Variants in FAM161B observed in about 807,000 individuals in gnomAD.
FAM161B encodes the protein FAM161 centrosomal protein B, also known as protein FAM161B.
In FAM161B, 46 loss-of-function variants were observed where a neutral mutation model predicts 61.5. The ratio of observed to expected loss-of-function variants is 0.75; its 90% confidence interval spans 0.59 to 0.96. The LOEUF (loss-of-function observed/expected upper bound fraction) is 0.96, where lower values mean the gene tolerates loss of function less well. Among genes scored for constraint, FAM161B ranks in the 40% least tolerant of loss-of-function variants. The pLI, the probability that FAM161B is intolerant of heterozygous loss-of-function variation, is 0.00. For missense variants in FAM161B, 774 were observed against 800.7 expected, an observed-to-expected ratio of 0.97 and a Z score of 0.40; for synonymous variants, 284 against 302.7, an observed-to-expected ratio of 0.94 and a Z score of 0.64.
chr14:73,940,857 T>G, intron 5 of FAM161B, 69 bp downstream of exon 5: 1 of 1,541,376 alleles, frequency 6.5e-7, no homozygotes, highest in Non-Finnish European at 8.7e-7. Context: ...AGGAGGCCCC[T>G]TGGCAGGGAG....
chr14:73,946,331 T>C lies in FAM161B; in HGVS notation c.329A>G (p.Asp110Gly). The stretch of plus-strand genomic sequence containing the variant: ...GACCTGCACCATCCCCCTGTCCTTG[T>C]CTTGGAAGAAACTCTCCAGGTCCTC... The part of the protein sequence containing the change: ...DEEDLESFFQ[D>G]KDRGMVQVQC... The change falls in exon 2 of 9, where the codon GAC becomes GGC. Residue 110 changes from aspartate (D) to glycine (G), a missense_variant. By Grantham distance (94) the Asp-to-Gly change is moderately conservative. Transcript: ENST00000286544. 2 of 1,614,176 alleles carry C rather than the reference T, an allele frequency of 1.2e-6. No homozygotes were observed. Among genetic ancestry groups the C allele is most frequent in the South Asian group, 2.2e-5 (2 of 91,076 alleles).
At chr14:73,941,520 G>A (rs740507) in intron 4 of FAM161B, among the ~76,000 whole-genome samples, 46,396 of 152,024 alleles carry the variant, frequency 0.31, 9,026 homozygotes, top group Non-Finnish European at 0.42. Flanking sequence ...GAGATCTCAA[G>A]TTTCACAACC....
Position 73,935,995 on chromosome 14 carries a change from T to C in FAM161B, c.1759A>G (p.Thr587Ala). The C allele has an allele frequency of 6.2e-7, 1 of 1,613,568 alleles. No individual in the cohort carries two copies. The highest frequency in any genetic ancestry group is 2.2e-5 in the East Asian group (1 of 44,868). The change falls in exon 8 of 9, where the codon ACC becomes GCC. Residue 587 changes from threonine (T) to alanine (A), a missense_variant. Transcript: ENST00000286544. ...EDFVRNKGQGTRAVQEKETKI... is the reference protein window; with the variant it reads ...EDFVRNKGQGARAVQEKETKI... ...GTCTCTTTCTCTTGAACAGCCCGGG[T>C]GCCTTGACCCTTGTTTCTCACAAAG...
the FAM161B span, chr14:73,923,420 T>C: frequency 6.2e-7 from 1 of 1,613,756 alleles, no homozygotes; most frequent in East Asian, 2.2e-5. Flanking sequence ...GATCCCCACG[T>C]TCCCTGTCTT....
chr14:73,937,930 C>G lies in FAM161B; in HGVS notation c.1565+18G>C. On this transcript the variant is annotated intron_variant, in intron 6 of 8. Transcript: ENST00000286544. ...ATCCCAAGGCAAGCACCCCTTTTGA[C>G]ACATAGAGGACACTGACCGGTTCTC... 1 of 1,613,680 alleles carries G rather than the reference C, an allele frequency of 6.2e-7. No individual in the cohort carries two copies. The highest frequency in any genetic ancestry group is 8.5e-7 in the Non-Finnish European group (1 of 1,179,832).
chr14:73,934,460 C>A, intron 8 of FAM161B, 66 bp from the exon 9 acceptor site: 1 of 1,502,710 alleles, frequency 6.7e-7, no homozygotes, highest in Non-Finnish European at 8.9e-7. Flanking sequence ...CTCACTCTCA[C>A]CCAGGCTGGA....
In FAM161B at chr14:73,932,756, C is replaced by T. The variant is rs141335073; in HGVS notation, c.*1500G>A. 2.2e-3 allele frequency: 650 copies of T among 293,182 alleles called. 9 individuals carry two copies. Among genetic ancestry groups the T allele is most frequent in the Middle Eastern group, 2.6e-3 (2 of 770 alleles). 18.2% of individuals were successfully genotyped at this position (293,182 alleles called of 1,614,324 possible). ...CCTCCCACCTCAGCCTCCTGAATAG[C>T]TAGGACTATAGGCATGTACCACCAG... On this transcript the variant is annotated 3_prime_UTR_variant, in exon 9 of 9. Transcript: ENST00000286544.
chr14:73,938,960 T>C (rs1468930551), intron 5 of FAM161B, among the ~76,000 whole-genome samples: 1 of 152,088 alleles, frequency 6.6e-6, no homozygotes, highest in Non-Finnish European at 1.5e-5. Flanking sequence ...AGTGAGTTCC[T>C]ACCCTAGAAG....
chr14:73,925,151 G>T, the FAM161B span, among the ~76,000 whole-genome samples: 1 of 109,286 alleles, frequency 9.2e-6, no homozygotes, highest in African/African-American at 3.1e-5. Context: ...TTTTATTGTT[G>T]TGACCCATTG....
rs1382642192 is a variant in FAM161B at position 73,932,545 on chromosome 14, C to CTTTT, written c.*1710_*1711insAAAA. On this transcript the variant is annotated 3_prime_UTR_variant, in exon 9 of 9. Transcript: ENST00000286544. ...CACAAAGATAGTTTTTTTAAAAAAG[C>CTTTT]TTGAGAAAGGTGCTTTAGTTAGAGC... The CTTTT allele has an allele frequency of 2.3e-6, 1 of 441,256 alleles. No individual in the cohort carries two copies. The highest frequency in any genetic ancestry group is 4.5e-6 in the Non-Finnish European group (1 of 222,692). 27.3% of individuals were successfully genotyped at this position (441,256 alleles called of 1,614,324 possible).
chr14:73,936,345 C>T (rs1313817782), intron 7 of FAM161B, among the ~76,000 whole-genome samples: 7 of 152,114 alleles, frequency 4.6e-5, no homozygotes, highest in African/African-American at 1.7e-4. Context: ...TAACACTCCC[C>T]AGAGATGCCA....
chr14:73,927,250 T>C, downstream of FAM161B: 1 of 221,772 alleles, frequency 4.5e-6, no homozygotes, highest in Non-Finnish European at 9.7e-6. Flanking sequence ...CACGCCCGGC[T>C]GTATTTTTAG....
chr14:73,924,275 G>T, the FAM161B span, among the ~76,000 whole-genome samples: 2 of 152,150 alleles, frequency 1.3e-5, no homozygotes, highest in Non-Finnish European at 2.9e-5. Flanking sequence ...GCTCCTATGA[G>T]AATCTGTTGC....
At chr14:73,949,857 T>C in intron 1 of FAM161B, 116 bp downstream of exon 1, 1 of 1,442,014 alleles carries the variant, frequency 6.9e-7, no homozygotes, top group Non-Finnish European at 9.3e-7. Context: ...CCCTAAACGC[T>C]CATTTTAATC....
At position 73,936,041 on chromosome 14, in the gene FAM161B, C is replaced by A. The variant is rs752888782; in HGVS notation, c.1713G>T (p.Lys571Asn). Residue 571 changes from lysine to asparagine, a missense_variant, in exon 8 of 9, where the codon AAG (lysine) becomes AAT (asparagine). Coordinates refer to ENST00000286544, the MANE Select transcript of FAM161B (RefSeq NM_152445.3). ...CAAAGTCTTCCTCCAGCCCAGCCTG[C>A]TTCAGGGTGTCTAGATACCACTGTT... ...EAEQWYLDTL[K>N]QAGLEEDFVR... 1 of 1,613,874 alleles carries A rather than the reference C, an allele frequency of 6.2e-7. No homozygotes were observed. The highest frequency in any genetic ancestry group is 1.3e-5 in the African/African-American group (1 of 75,050).
At position 73,942,357 on chromosome 14, in the gene FAM161B, C is replaced by A. The variant is rs1566674757; in HGVS notation, c.1272+12G>T. On this transcript the variant is annotated intron_variant, in intron 4 of 8. Coordinates refer to ENST00000286544, the MANE Select transcript of FAM161B (RefSeq NM_152445.3). ...GCAGCCCTGACCCTCCCACAGCTGC[C>A]TGGGCTCTCACCTGCCTCCTTCCGG... The A allele has an allele frequency of 1.9e-6, 3 of 1,611,706 alleles. No homozygotes were observed. Among genetic ancestry groups the A allele is most frequent in the Non-Finnish European group, 8.5e-7 (1 of 1,178,690 alleles).
intron 7 of FAM161B, 49 bp from the exon 8 acceptor site, chr14:73,936,137 C>A: frequency 6.5e-7 from 1 of 1,538,606 alleles, no homozygotes; most frequent in Non-Finnish European, 8.8e-7. Flanking sequence ...AATTACCAGA[C>A]AATTCTAAAT....
chr14:73,942,898 T>G (rs2056032090), intron 3 of FAM161B, among the ~76,000 whole-genome samples, 183 bp from the exon 4 acceptor site: 2 of 152,062 alleles, frequency 1.3e-5, no homozygotes, highest in East Asian at 3.9e-4. Context: ...GGAGTAATTA[T>G]GCCACAGAAA....
intron 1 of FAM161B, among the ~76,000 whole-genome samples, chr14:73,947,582 A>C (rs2056077839): frequency 6.6e-6 from 1 of 152,118 alleles, no homozygotes; most frequent in African/African-American, 2.4e-5. Context: ...TACTCTCATG[A>C]AGCTTACACT....
Sources: gnomAD v4.1 joint callset for allele counts (sites outside exome capture counted in the v4.1 genomes callset) on GRCh38, gnomAD v4.1.1 for gene constraint, MANE v1.5 for transcripts, NCBI Gene and HGNC (gene_info 2026-07-23, HGNC 2026-07-21) for gene names.